The following DNER variants were observed in gnomAD, a reference collection of about 807,000 sequenced individuals.
DNER encodes delta and Notch-like epidermal growth factor-related receptor.
Under a neutral mutation model 78.2 loss-of-function variants are expected in DNER, and 33 were observed. That is an observed-to-expected ratio of 0.42 (90% CI 0.32 to 0.56). The LOEUF (loss-of-function observed/expected upper bound fraction) is 0.56. Among genes scored for constraint, DNER ranks in the 20% least tolerant of loss-of-function variants. The pLI, the probability that DNER is intolerant of heterozygous loss-of-function variation, is 0.11. For synonymous variants in DNER, 417 were observed against 384.8 expected (o/e 1.08, Z -0.98); for missense variants, 918 against 975.3 (o/e 0.94, Z 0.78).
intron 5 of DNER, among the ~76,000 whole-genome samples, chr2:229,516,951 C>A (rs1559154839): frequency 1.4e-5 from 2 of 147,024 alleles, no homozygotes; most frequent in African/African-American, 5.0e-5. Context: ...ACTAAAAATA[C>A]AAAAAAAAAA....
chr2:229,441,955 A>G (rs999469277), intron 8 of DNER, among the ~76,000 whole-genome samples: 11 of 152,114 alleles, frequency 7.2e-5, no homozygotes, highest in Non-Finnish European at 1.5e-4. Flanking sequence ...TGATGTCAAT[A>G]TACAGATTTA....
At chr2:229,439,891 C>A in intron 8 of DNER, among the ~76,000 whole-genome samples, 1 of 152,202 alleles carries the variant, frequency 6.6e-6, no homozygotes, top group East Asian at 1.9e-4. Flanking sequence ...CTCACAGACT[C>A]TGCTAACTCC....
intron 7 of DNER, among the ~76,000 whole-genome samples, chr2:229,465,891 T>C (rs11680954): frequency 0.73 from 110,260 of 151,812 alleles, 40,259 homozygotes; most frequent in South Asian, 0.83. Context: ...CACCCCCGTA[T>C]ATCAAGTCGT....
intron 4 of DNER, among the ~76,000 whole-genome samples, chr2:229,576,555 A>G (rs1053563672): frequency 6.6e-6 from 1 of 152,220 alleles, no homozygotes; most frequent in Non-Finnish European, 1.5e-5. Flanking sequence ...ACATGTGGTC[A>G]TCATGGTTGC....
At chr2:229,511,729 C>A (rs909175205) in intron 6 of DNER, among the ~76,000 whole-genome samples, 5 of 152,192 alleles carry the variant, frequency 3.3e-5, no homozygotes, top group Admixed American at 2.0e-4. Flanking sequence ...TCAGTACATA[C>A]TTGTGGAATT....
chr2:229,377,486 G>C (rs1250248878), intron 11 of DNER, among the ~76,000 whole-genome samples: 1 of 152,168 alleles, frequency 6.6e-6, no homozygotes, highest in African/African-American at 2.4e-5. Flanking sequence ...ATTATAATCA[G>C]TCCCAAGGTG....
chr2:229,658,220 C>G (rs1298577120), intron 1 of DNER, among the ~76,000 whole-genome samples: 1 of 152,240 alleles, frequency 6.6e-6, no homozygotes, highest in Non-Finnish European at 1.5e-5. Flanking sequence ...ATTCTCTCAG[C>G]TGACTCTCTG....
intron 5 of DNER, among the ~76,000 whole-genome samples, chr2:229,525,260 C>A (rs1044283570): frequency 6.6e-6 from 1 of 152,150 alleles, no homozygotes; most frequent in African/African-American, 2.4e-5. Context: ...ATCAACTTTC[C>A]TCTTAGTAGG....
chr2:229,363,521 T>C (rs1692262335), intron 12 of DNER, among the ~76,000 whole-genome samples: 1 of 152,236 alleles, frequency 6.6e-6, no homozygotes, highest in Non-Finnish European at 1.5e-5. Context: ...TGGAGCTGAA[T>C]AAACGTTCAG....
chr2:229,569,858 T>C (rs1277830567), intron 4 of DNER, among the ~76,000 whole-genome samples: 2 of 152,198 alleles, frequency 1.3e-5, no homozygotes, highest in South Asian at 2.1e-4. Flanking sequence ...GTATGTATAA[T>C]GGATGGATGG....
intron 6 of DNER, among the ~76,000 whole-genome samples, chr2:229,482,664 C>G (rs1409894621): frequency 1.3e-5 from 2 of 152,156 alleles, no homozygotes; most frequent in East Asian, 3.8e-4. Flanking sequence ...TACAGTCCTG[C>G]CCTACAAAGA....
rs1442896578 is a variant in DNER, at chr2:229,454,603, C to T, written c.1262-7063G>A. On this transcript the variant is annotated intron_variant, in intron 7 of 12. Coordinates refer to ENST00000341772, the MANE Select transcript of DNER (RefSeq NM_139072.4). Reference sequence around the variant, plus strand: ...GTATACATACTGAGGAGAGAATACACTTTTGGCATATTATCCAGTCTAAAA... The same window carrying T: ...GTATACATACTGAGGAGAGAATACATTTTTGGCATATTATCCAGTCTAAAA... Among the ~76,000 whole-genome samples the T allele has an allele frequency of 5.3e-5, 8 of 150,732 alleles. No homozygotes were observed. In the South Asian group the frequency reaches 6.3e-4, roughly 12 times the overall value.
In DNER at chr2:229,714,475, G is replaced by T. The variant is rs940938683; in HGVS notation, c.-52C>A. ...GAGCCAGGACGCAGTGACGGCGGCGGCGGTGGCAGTGGCGACGAGAGCTGC... is the reference window on the plus strand; with the variant it reads ...GAGCCAGGACGCAGTGACGGCGGCGTCGGTGGCAGTGGCGACGAGAGCTGC... On this transcript the variant is annotated 5_prime_UTR_variant, in exon 1 of 13. Transcript: ENST00000341772. 113 of 1,095,574 alleles carry T rather than the reference G, an allele frequency of 1.0e-4. No individual in the cohort carries two copies. Among genetic ancestry groups the T allele is most frequent in the Non-Finnish European group, 1.2e-4 (110 of 903,342 alleles). 67.9% of individuals were successfully genotyped at this position (1,095,574 alleles called of 1,614,324 possible). A position where few individuals can be genotyped will look rare whatever the true frequency, so the allele number is the denominator to read the frequency against.
intron 7 of DNER, among the ~76,000 whole-genome samples, chr2:229,462,213 A>G (rs901968192): frequency 3.3e-5 from 5 of 152,112 alleles, no homozygotes. Context: ...AAAAGAAAAC[A>G]TTTCTGGAAG....
At chr2:229,440,633 T>G (rs1448437593) in intron 8 of DNER, among the ~76,000 whole-genome samples, 2 of 152,252 alleles carry the variant, frequency 1.3e-5, no homozygotes, top group Non-Finnish European at 2.9e-5. Context: ...TTTTTTCCCC[T>G]GGTTTCAGTC....
intron 1 of DNER, chr2:229,606,120 A>T (rs1431094712): frequency 1.3e-5 from 2 of 152,222 alleles, no homozygotes; most frequent in Non-Finnish European, 2.9e-5. Flanking sequence ...TTCAGGAATG[A>T]TTAGAAAATT....
intron 1 of DNER, among the ~76,000 whole-genome samples, chr2:229,623,344 T>G (rs780070139): frequency 4.6e-5 from 7 of 152,114 alleles, no homozygotes; most frequent in Non-Finnish European, 8.8e-5. Context: ...CAACTTACCT[T>G]AGCTTCCGCC....
At chr2:229,606,669 G>GTCGA (rs1290942480) in intron 1 of DNER, among the ~76,000 whole-genome samples, 3 of 152,018 alleles carry the variant, frequency 2.0e-5, no homozygotes, top group Admixed American at 6.6e-5. Flanking sequence ...AAGGCAGGAG[G>GTCGA]ATCACTGGAG....
At chr2:229,584,088 C>A (rs1574913803) in intron 4 of DNER, among the ~76,000 whole-genome samples, 1 of 152,246 alleles carries the variant, frequency 6.6e-6, no homozygotes, top group East Asian at 1.9e-4. Context: ...ATGATATTTG[C>A]ATCATATTTT....
Sources: gnomAD v4.1 joint callset for allele counts (sites outside exome capture counted in the v4.1 genomes callset) on GRCh38, gnomAD v4.1.1 for gene constraint, MANE v1.5 for transcripts, NCBI Gene and HGNC (gene_info 2026-07-23, HGNC 2026-07-21) for gene names.